Variants in TPRG1 observed in about 807,000 individuals in gnomAD.
TPRG1 encodes tumor protein p63-regulated gene 1 protein.
Under a neutral mutation model 29.3 loss-of-function variants are expected in TPRG1, and 29 were observed. The observed-to-expected ratio is 0.99, with a 90% confidence interval of 0.74 to 1.35. The LOEUF is 1.35. Among genes scored for constraint, TPRG1 ranks in the 40% most tolerant of loss-of-function variants. TPRG1 has a pLI of 0.00. For synonymous variants in TPRG1, 130 were observed against 116.8 expected (o/e 1.11, Z -0.73); for missense variants, 327 against 335.0 (o/e 0.98, Z 0.19).
chr3:189,297,801 G>C (rs1234641069), intron 4 of TPRG1, among the ~76,000 whole-genome samples: 1 of 152,110 alleles, frequency 6.6e-6, no homozygotes, highest in Non-Finnish European at 1.5e-5. Flanking sequence ...ATAGGGCTGA[G>C]GGGTGACCAA....
intron 3 of TPRG1, among the ~76,000 whole-genome samples, chr3:189,228,711 T>A (rs1006527051): frequency 5.3e-5 from 8 of 152,204 alleles, no homozygotes; most frequent in Non-Finnish European, 1.2e-4. Flanking sequence ...GAAAGCGTAT[T>A]CATTCTCACT....
intron 4 of TPRG1, among the ~76,000 whole-genome samples, chr3:189,074,702 A>G (rs1318147290): frequency 1.3e-5 from 2 of 151,750 alleles, no homozygotes; most frequent in Non-Finnish European, 2.9e-5. Context: ...TGTTATATCC[A>G]TATATTCTTT....
chr3:189,124,866 T>C (rs544922957), intron 1 of TPRG1, among the ~76,000 whole-genome samples: 4 of 152,200 alleles, frequency 2.6e-5, no homozygotes, highest in Non-Finnish European at 5.9e-5. Flanking sequence ...AGTCTAGACC[T>C]ATCTTTCTAT....
At chr3:189,077,569 G>A (rs907904923) in intron 4 of TPRG1, among the ~76,000 whole-genome samples, 2 of 152,070 alleles carry the variant, frequency 1.3e-5, no homozygotes, top group Admixed American at 6.5e-5. Context: ...GATTATATAG[G>A]TGTACAAAAT....
At chr3:189,075,709 G>A (rs1409495396) in intron 4 of TPRG1, among the ~76,000 whole-genome samples, 4 of 152,160 alleles carry the variant, frequency 2.6e-5, no homozygotes, top group East Asian at 3.9e-4. Flanking sequence ...ACATCAGAGT[G>A]TATTTTTACA....
At chr3:189,274,498 G>A (rs907514401) in intron 4 of TPRG1, among the ~76,000 whole-genome samples, 4 of 152,022 alleles carry the variant, frequency 2.6e-5, no homozygotes, top group African/African-American at 7.3e-5. Flanking sequence ...TAAAAGGGAC[G>A]GTGACTTCCC....
rs1316577990 is a variant in TPRG1 at position 189,122,367 on chromosome 3, G to A, written c.-743-4690G>A. 4.6e-5 allele frequency among the ~76,000 whole-genome samples: 7 copies of A among 152,168 alleles called. 1 individual carries two copies. Among genetic ancestry groups the A allele is most frequent in the African/African-American group, 1.7e-4 (7 of 41,454 alleles). On this transcript the variant is annotated intron_variant, in intron 1 of 6. Transcript: ENST00000412373. ...TTGATTTTCCCAAATGACTTTTCTT[G>A]TGAAATCTGGTTTTCACATCTCCCT... is the stretch of plus-strand genomic sequence containing the variant.
At chr3:189,283,342 G>C (rs1717476173) in intron 4 of TPRG1, among the ~76,000 whole-genome samples, 1 of 152,156 alleles carries the variant, frequency 6.6e-6, no homozygotes, top group Non-Finnish European at 1.5e-5. Context: ...TTGAGGACTG[G>C]AAATGCCTCC....
chr3:189,212,464 C>T (rs1735416799), intron 2 of TPRG1, among the ~76,000 whole-genome samples: 1 of 152,082 alleles, frequency 6.6e-6, no homozygotes, highest in Non-Finnish European at 1.5e-5. Context: ...TTGTTATTGC[C>T]TGTGTGGGCT....
At chr3:189,209,206 G>A (rs1734876054) in intron 2 of TPRG1, among the ~76,000 whole-genome samples, 1 of 152,210 alleles carries the variant, frequency 6.6e-6, no homozygotes, top group Non-Finnish European at 1.5e-5. Context: ...GATGGAAGGA[G>A]ACGCAGGTAC....
intron 3 of TPRG1, among the ~76,000 whole-genome samples, chr3:189,219,124 C>T (rs1430251478): frequency 6.6e-6 from 1 of 152,138 alleles, no homozygotes; most frequent in Non-Finnish European, 1.5e-5. Context: ...AAGAATAAAA[C>T]AATGCATATG....
chr3:189,270,529 C>T (rs965397677), intron 4 of TPRG1, among the ~76,000 whole-genome samples: 8 of 152,190 alleles, frequency 5.3e-5, no homozygotes, highest in African/African-American at 1.4e-4. Flanking sequence ...CAGGTCCCCA[C>T]GCCAGTGAGG....
At chr3:189,176,253 A>G (rs1578673833) in intron 1 of TPRG1, among the ~76,000 whole-genome samples, 1 of 152,352 alleles carries the variant, frequency 6.6e-6, no homozygotes, top group Admixed American at 6.5e-5. Context: ...CAAGAGACGT[A>G]TGTAGGTGAT....
chr3:189,048,867 C>A (rs1715134007), intron 4 of TPRG1, among the ~76,000 whole-genome samples: 2 of 152,304 alleles, frequency 1.3e-5, no homozygotes, highest in African/African-American at 4.8e-5. Context: ...GCAACACACA[C>A]CCCCACTGGA....
At chr3:189,241,732 T>C (rs2108960638) in intron 4 of TPRG1, among the ~76,000 whole-genome samples, 1 of 152,294 alleles carries the variant, frequency 6.6e-6, no homozygotes, top group African/African-American at 2.4e-5. Context: ...AGTGCTATTC[T>C]TGTGATAATG....
intron 4 of TPRG1, among the ~76,000 whole-genome samples, chr3:189,063,153 C>G (rs1163461321): frequency 6.6e-6 from 1 of 151,932 alleles, no homozygotes. Context: ...AAGAAAATTA[C>G]TAGAGAAAAA....
intron 5 of TPRG1, among the ~76,000 whole-genome samples, chr3:189,156,419 A>G (rs1435089216): frequency 6.6e-6 from 1 of 151,978 alleles, no homozygotes; most frequent in Non-Finnish European, 1.5e-5. Flanking sequence ...TACAGCAGCG[A>G]AAGGAAACAA....
chr3:189,296,275 T>C (rs1441685860), intron 4 of TPRG1, among the ~76,000 whole-genome samples: 3 of 152,202 alleles, frequency 2.0e-5, no homozygotes, highest in Non-Finnish European at 4.4e-5. Flanking sequence ...CAAAAGTTAA[T>C]TTGAAAAACC....
intron 3 of TPRG1, among the ~76,000 whole-genome samples, chr3:189,018,917 A>T (rs1228063126): frequency 1.3e-5 from 2 of 151,102 alleles, no homozygotes; most frequent in South Asian, 2.1e-4. Flanking sequence ...TGAGCAGTGG[A>T]TTGTAGTTCT....
Sources: gnomAD v4.1 joint callset for allele counts (sites outside exome capture counted in the v4.1 genomes callset) on GRCh38, gnomAD v4.1.1 for gene constraint, MANE v1.5 for transcripts, NCBI Gene and HGNC (gene_info 2026-07-23, HGNC 2026-07-21) for gene names.